Variants in PCLO observed in about 807,000 individuals in gnomAD.
PCLO encodes protein piccolo.
In PCLO, 82 loss-of-function variants were observed where a neutral mutation model predicts 427.5. That is an observed-to-expected ratio of 0.19 (90% CI 0.16 to 0.23). The LOEUF is 0.23. Among genes scored for constraint, PCLO ranks in the 10% least tolerant of loss-of-function variants. PCLO has a pLI of 1.00. For synonymous variants in PCLO, 2,357 were observed against 2,155.4 expected (o/e 1.09, Z -2.59); for missense variants, 6,239 against 6,115.9 (o/e 1.02, Z -0.67).
intron 3 of PCLO, among the ~76,000 whole-genome samples, chr7:83,018,211 A>C (rs950914186): frequency 2.6e-5 from 4 of 152,050 alleles, no homozygotes; most frequent in African/African-American, 7.2e-5. Flanking sequence ...CAAAATGTTT[A>C]CAAAGTTATT....
chr7:82,918,332 A>C (rs1794516349), intron 6 of PCLO, among the ~76,000 whole-genome samples: 1 of 151,982 alleles, frequency 6.6e-6, no homozygotes, highest in Admixed American at 6.6e-5. Flanking sequence ...AAATATGTAA[A>C]ATACTTACTA....
Position 82,889,557 on chromosome 7 carries a change from C to A in PCLO, c.13529-10095G>T, listed in dbSNP as rs10251538. Among the ~76,000 whole-genome samples the A allele has an allele frequency of 3.2e-3, 488 of 152,164 alleles. 2 individuals carry two copies. Among genetic ancestry groups the A allele is most frequent in the African/African-American group, 0.011 (469 of 41,542 alleles). Reference sequence around the variant, plus strand: ...AAAGTAGCAGAACTTTTCTGATAAGCAATTTGAGAAGATGTTTAAGGAATG... The same window carrying A: ...AAAGTAGCAGAACTTTTCTGATAAGAAATTTGAGAAGATGTTTAAGGAATG... On this transcript the variant is annotated intron_variant, in intron 9 of 24. Coordinates refer to ENST00000333891, the MANE Select transcript of PCLO (RefSeq NM_033026.6).
At chr7:83,016,319 A>C (rs1209891069) in intron 3 of PCLO, among the ~76,000 whole-genome samples, 1 of 152,196 alleles carries the variant, frequency 6.6e-6, no homozygotes, top group Non-Finnish European at 1.5e-5. Flanking sequence ...TGTTGAAGGA[A>C]GCAAGATGTA....
At chr7:83,150,042 C>T (rs543580679) in intron 2 of PCLO, among the ~76,000 whole-genome samples, 3 of 152,146 alleles carry the variant, frequency 2.0e-5, no homozygotes, top group Admixed American at 2.0e-4. Context: ...TAATCCCTAA[C>T]ATTTGGTTCA....
At chr7:82,842,371 AC>A in intron 13 of PCLO, among the ~76,000 whole-genome samples, 1 of 152,242 alleles carries the variant, frequency 6.6e-6, no homozygotes, top group South Asian at 2.1e-4. Flanking sequence ...CTTATCTCAC[AC>A]CATATACAAA....
At position 82,758,853 on chromosome 7, in the gene PCLO, T is replaced by C. The variant is rs914673450; in HGVS notation, c.15289-138A>G. On this transcript the variant is annotated intron_variant, in intron 24 of 24. Coordinates refer to ENST00000333891, the MANE Select transcript of PCLO (RefSeq NM_033026.6). Reference sequence around the variant, plus strand: ...TGACGCTGAGTAGAAGTAGCAGACATATTTGCAGGAGAACTGATAACCAAG... The same window carrying C: ...TGACGCTGAGTAGAAGTAGCAGACACATTTGCAGGAGAACTGATAACCAAG... 3.4e-5 allele frequency: 19 copies of C among 551,248 alleles called. No individual in the cohort carries two copies. In the Admixed American group the frequency reaches 6.5e-4, roughly 19 times the overall value. 34.1% of individuals were successfully genotyped at this position (551,248 alleles called of 1,614,324 possible). A position where few individuals can be genotyped will look rare whatever the true frequency, so the allele number is the denominator to read the frequency against.
intron 3 of PCLO, among the ~76,000 whole-genome samples, chr7:83,058,814 G>A (rs929856198): frequency 6.6e-6 from 1 of 151,982 alleles, no homozygotes; most frequent in Non-Finnish European, 1.5e-5. Context: ...TTACCTCCAC[G>A]CAGGAAGCAA....
chr7:83,017,787 C>T (rs1788244658), intron 3 of PCLO: 1 of 151,874 alleles, frequency 6.6e-6, no homozygotes, highest in Non-Finnish European at 1.5e-5. Context: ...ACACATTATA[C>T]AACATATAAA....
intron 22 of PCLO, among the ~76,000 whole-genome samples, chr7:82,772,129 G>A (rs1175583733): frequency 1.3e-5 from 2 of 152,026 alleles, no homozygotes; most frequent in African/African-American, 4.8e-5. Flanking sequence ...TATATTAGAT[G>A]TTTAATAAAC....
chr7:83,051,899 A>G (rs1789263561), intron 3 of PCLO, among the ~76,000 whole-genome samples: 1 of 152,084 alleles, frequency 6.6e-6, no homozygotes, highest in South Asian at 2.1e-4. Flanking sequence ...AAATAGACTC[A>G]CACACAGTCA....
chr7:82,979,045 AT>A, intron 3 of PCLO, among the ~76,000 whole-genome samples: 1 of 152,238 alleles, frequency 6.6e-6, no homozygotes, highest in Admixed American at 6.6e-5. Context: ...AAAAAGTCCA[AT>A]TTTAAGTCAA....
In PCLO at chr7:83,154,971, G is replaced by T; in HGVS notation, c.1670C>A (p.Pro557Gln). 6.2e-7 allele frequency: 1 copy of T among 1,614,032 alleles called. No individual in the cohort carries two copies. Residue 557 changes from proline to glutamine, a missense_variant, in exon 2 of 25, where the codon CCA becomes CAA. Physicochemically the swap from Pro to Gln is moderately conservative, Grantham distance 76 (BLOSUM62 -1). This residue lies in a region of PCLO where 4,677 missense variants were observed against 4,468.4 expected (regional missense o/e 1.05). Transcript: ENST00000333891. ...AKPSAQQSTK[P>Q]VSQTGSGKPL... ...TTTTCCAGATCCTGTTTGGCTTACT[G>T]GTTTTGTAGATTGCTGAGCCGAGGG... is the stretch of plus-strand genomic sequence containing the variant.
At chr7:82,767,788 T>C (rs964496945) in intron 22 of PCLO, among the ~76,000 whole-genome samples, 2 of 152,158 alleles carry the variant, frequency 1.3e-5, no homozygotes, top group African/African-American at 4.8e-5. Flanking sequence ...GATGAGTTGA[T>C]ACACTGATAT....
At chr7:83,146,597 CTTT>C (rs11354844) in intron 2 of PCLO, among the ~76,000 whole-genome samples, 12 of 135,156 alleles carry the variant, frequency 8.9e-5, no homozygotes, top group African/African-American at 8.1e-5. Context: ...CCAATAAATA[CTTT>C]TTTTTTTTTT....
intron 10 of PCLO, among the ~76,000 whole-genome samples, chr7:82,857,665 T>C (rs1171619153): frequency 2.6e-5 from 4 of 152,130 alleles, no homozygotes; most frequent in Admixed American, 2.6e-4. Flanking sequence ...ATTACTGAGG[T>C]ATAACTTTAA....
intron 3 of PCLO, among the ~76,000 whole-genome samples, chr7:83,003,830 T>G (rs1787881736): frequency 6.6e-6 from 1 of 151,766 alleles, no homozygotes; most frequent in Admixed American, 6.6e-5. Context: ...TTGTCTGGCT[T>G]TCATATCGGG....
intron 9 of PCLO, among the ~76,000 whole-genome samples, chr7:82,880,736 GGTTGAAA>G (rs1448043375): frequency 6.6e-6 from 1 of 152,112 alleles, no homozygotes; most frequent in Non-Finnish European, 1.5e-5. Flanking sequence ...ACAGAGCCAA[GGTTGAAA>G]ACCCCTGTTT....
chr7:83,139,199 A>G (rs1057160847), intron 2 of PCLO, among the ~76,000 whole-genome samples: 12 of 152,176 alleles, frequency 7.9e-5, no homozygotes, highest in African/African-American at 1.9e-4. Context: ...ATAAAGTACA[A>G]TGAATGAAGA....
At chr7:83,041,909 G>T (rs1788982947) in intron 3 of PCLO, among the ~76,000 whole-genome samples, 1 of 152,046 alleles carries the variant, frequency 6.6e-6, no homozygotes, top group Non-Finnish European at 1.5e-5. Flanking sequence ...ATCCCCTAGG[G>T]CTTTCAAAGA....
Sources: gnomAD v4.1 joint callset for allele counts (sites outside exome capture counted in the v4.1 genomes callset) on GRCh38, gnomAD v4.1.1 for gene constraint, gnomAD v4.1.1 regional missense constraint, MANE v1.5 for transcripts, NCBI Gene and HGNC (gene_info 2026-07-23, HGNC 2026-07-21) for gene names.